The following HAPLN3 variants were observed in gnomAD, a reference collection of about 807,000 sequenced individuals.
HAPLN3 encodes extracellular link domain containing, 1.
A neutral mutation model predicts 28.1 loss-of-function variants in HAPLN3; 28 were observed. The ratio of observed to expected loss-of-function variants is 1.00; its 90% CI spans 0.74 to 1.37. The LOEUF is 1.37. Among genes scored for constraint, HAPLN3 ranks in the 40% most tolerant of loss-of-function variants. The pLI is 0.00. For synonymous variants in HAPLN3, 211 were observed against 213.1 expected (o/e 0.99, Z 0.09); for missense variants, 513 against 504.6 (o/e 1.02, Z -0.16).
chr15:88,887,039 G>C (rs1411720079), intron 2 of HAPLN3, 136 bp downstream of exon 2: 5 of 929,438 alleles, frequency 5.4e-6, no homozygotes, highest in African/African-American at 3.3e-5. Context: ...TGAGAAGCAA[G>C]CTGGCCCACT....
rs1897688868 is a variant in HAPLN3 at position 88,881,322 on chromosome 15, G to A, written c.493+35C>T. The A allele has an allele frequency of 6.3e-7, 1 of 1,585,378 alleles. No individual in the cohort carries two copies. Among genetic ancestry groups the A allele is most frequent in the South Asian group, 1.2e-5 (1 of 86,298 alleles). On this transcript the variant is annotated intron_variant, in intron 3 of 4. Transcript: ENST00000359595. The surrounding 1 kb of genome is among the most constrained non-coding windows in gnomAD (Gnocchi z 6.0). Reference sequence around the variant, plus strand: ...CTGGTCCTCTCCCCTCTGCTCTCAGGTCCCAGTGTCACCCAGTCCCCGTTA... The same window carrying A: ...CTGGTCCTCTCCCCTCTGCTCTCAGATCCCAGTGTCACCCAGTCCCCGTTA...
rs2141658276 is a variant in HAPLN3 at position 88,881,029 on chromosome 15, G to A, written c.493+328C>T. 1 of 366,936 alleles carries A rather than the reference G, an allele frequency of 2.7e-6. No individual in the cohort carries two copies. The highest frequency in any genetic ancestry group is 8.1e-4 in the Middle Eastern group (1 of 1,230). The allele number at this position is 366,936 out of a possible 1,614,324, so 22.7% of individuals were successfully genotyped here. A position where few individuals can be genotyped will look rare whatever the true frequency, so the allele number is the denominator to read the frequency against. On this transcript the variant is annotated intron_variant, in intron 3 of 4. Transcript: ENST00000359595. This position sits in a 1 kb window ranked among gnomAD's most constrained non-coding sequence, Gnocchi z 6.0. Reference sequence around the variant, plus strand: ...TAAATCTCAGCTCTGTCTCTAATAAGCTGTGGGACCAGCTCTGGTTTTCCT... The same window carrying A: ...TAAATCTCAGCTCTGTCTCTAATAAACTGTGGGACCAGCTCTGGTTTTCCT...
Position 88,879,011 on chromosome 15 carries a change from C to T in HAPLN3, c.752G>A (p.Arg251His), listed in dbSNP as rs1346165734. 3 of 1,609,810 alleles carry T rather than the reference C, an allele frequency of 1.9e-6. No individual in the cohort carries two copies. Among genetic ancestry groups the T allele is most frequent in the African/African-American group, 1.3e-5 (1 of 75,030 alleles). ...GVRSYGPRHR[R>H]LHRYDVFCFA... Reference sequence around the variant, plus strand: ...GCAGAATACATCATAGCGGTGCAGGCGGCGGTGGCGGGGGCCGTAGCTTCG... The same window carrying T: ...GCAGAATACATCATAGCGGTGCAGGTGGCGGTGGCGGGGGCCGTAGCTTCG... Residue 251 changes from arginine to histidine, a missense_variant, in exon 4 of 5, where the codon CGC becomes CAC. Coordinates refer to ENST00000359595, the MANE Select transcript of HAPLN3 (RefSeq NM_178232.4). The surrounding 1 kb of genome is among the most constrained non-coding windows in gnomAD (Gnocchi z 5.0).
chr15:88,878,225 C>A lies in HAPLN3; in HGVS notation c.828G>T (p.Lys276Asn), dbSNP rs1279477269. 1 of 1,613,890 alleles carries A rather than the reference C, an allele frequency of 6.2e-7. No individual in the cohort carries two copies. Among genetic ancestry groups the A allele is most frequent in the East Asian group, 2.2e-5 (1 of 44,882 alleles). The change falls in exon 5 of 5, where the codon AAG becomes AAT. Residue 276 changes from lysine (K) to asparagine (N), a missense_variant. Transcript: ENST00000359595. ...GRVYYLEHPE[K>N]LTLTEAREAC... ...CCTCCCTTGCCTCTGTCAGCGTCAG[C>A]TTCTCAGGGTGCTCCAGGTAGTACA...
Position 88,881,337 on chromosome 15 carries a change from A to G in HAPLN3, c.493+20T>C. 1 of 1,597,644 alleles carries G rather than the reference A, an allele frequency of 6.3e-7. No individual in the cohort carries two copies. The highest frequency in any genetic ancestry group is 8.5e-7 in the Non-Finnish European group (1 of 1,171,554). On this transcript the variant is annotated intron_variant, in intron 3 of 4. Coordinates refer to ENST00000359595, the MANE Select transcript of HAPLN3 (RefSeq NM_178232.4). This position sits in a 1 kb window ranked among gnomAD's most constrained non-coding sequence, Gnocchi z 6.0. ...CTGCTCTCAGGTCCCAGTGTCACCC[A>G]GTCCCCGTTAGCATCTCACCCCGCA...
chr15:88,878,944 C>T, intron 4 of HAPLN3, 23 bp downstream of exon 4: 2 of 1,583,718 alleles, frequency 1.3e-6, no homozygotes, highest in African/African-American at 2.7e-5. Flanking sequence ...ACCCACAGGC[C>T]CGCGCTTGGC....
intron 1 of HAPLN3, chr15:88,893,175 G>C (rs1217266918): frequency 4.3e-6 from 3 of 692,328 alleles, no homozygotes; most frequent in African/African-American, 1.7e-5. Context: ...TACAGCATTT[G>C]GGGAAGCTGA....
intron 1 of HAPLN3, 60 bp from the exon 2 acceptor site, chr15:88,887,405 C>A: frequency 6.9e-7 from 1 of 1,454,812 alleles, no homozygotes; most frequent in South Asian, 1.2e-5. Flanking sequence ...CCCACATCCC[C>A]TCTGCTCCAA....
At chr15:88,893,798 A>G (rs6496531) in intron 1 of HAPLN3, among the ~76,000 whole-genome samples, 48,690 of 151,394 alleles carry the variant, frequency 0.32, 8,256 homozygotes, top group African/African-American at 0.44. Context: ...TGTGGTGATG[A>G]GCGCTTGTAG....
chr15:88,886,405 G>A (rs1464805674), intron 2 of HAPLN3, among the ~76,000 whole-genome samples: 1 of 151,444 alleles, frequency 6.6e-6, no homozygotes, highest in East Asian at 1.9e-4. Flanking sequence ...GGGCTTTTGT[G>A]ATTACAGGAG....
At position 88,877,833 on chromosome 15, in the gene HAPLN3, T is replaced by G. The variant is rs1249781122; in HGVS notation, c.*137A>C. On this transcript the variant is annotated 3_prime_UTR_variant, in exon 5 of 5. Coordinates refer to ENST00000359595, the MANE Select transcript of HAPLN3 (RefSeq NM_178232.4). The surrounding 1 kb of genome is among the most constrained non-coding windows in gnomAD (Gnocchi z 5.1). ...TGGGTTCTGTTTGCTTTACAAAAAA[T>G]AGTAAAAAAATGTTTAAAGAAAATT... 4 of 894,256 alleles carry G rather than the reference T, an allele frequency of 4.5e-6. No individual in the cohort carries two copies. Among genetic ancestry groups the G allele is most frequent in the Non-Finnish European group, 3.3e-6 (2 of 605,602 alleles). 55.4% of individuals were successfully genotyped at this position (894,256 alleles called of 1,614,324 possible).
chr15:88,892,361 G>A (rs561689005), intron 1 of HAPLN3, among the ~76,000 whole-genome samples: 33 of 152,244 alleles, frequency 2.2e-4, no homozygotes, highest in African/African-American at 7.7e-4. Context: ...AGAGGCTGAG[G>A]CAGGAGAATT....
chr15:88,890,137 G>A (rs1027571008), intron 1 of HAPLN3, among the ~76,000 whole-genome samples: 2 of 152,124 alleles, frequency 1.3e-5, no homozygotes, highest in Admixed American at 1.3e-4. Flanking sequence ...AAACATTCTT[G>A]TTTCCAGAAC....
chr15:88,889,058 G>A (rs977438449), intron 1 of HAPLN3, among the ~76,000 whole-genome samples: 1 of 152,204 alleles, frequency 6.6e-6, no homozygotes, highest in Non-Finnish European at 1.5e-5. Flanking sequence ...AGAGGGAAGA[G>A]GAGGAAGACG....
rs1418579640 is a variant in HAPLN3, at chr15:88,880,233, T to G, written c.494-964A>C. On this transcript the variant is annotated intron_variant, in intron 3 of 4. Transcript: ENST00000359595. The surrounding 1 kb of genome is among the most constrained non-coding windows in gnomAD (Gnocchi z 6.0). ...CCCCGGGAATGGGGTGAGGGCTCCC[T>G]GTTTCTCTAGGCTGCCCCTGCAGAC... The G allele has an allele frequency of 1.0e-6, 1 of 1,000,672 alleles. No individual in the cohort carries two copies. Among genetic ancestry groups the G allele is most frequent in the Non-Finnish European group, 1.2e-6 (1 of 839,546 alleles). The allele number at this position is 1,000,672 out of a possible 1,614,324, so 62.0% of individuals were successfully genotyped here. A position where few individuals can be genotyped will look rare whatever the true frequency, so the allele number is the denominator to read the frequency against.
chr15:88,890,884 C>CTTT (rs58694396), intron 1 of HAPLN3, among the ~76,000 whole-genome samples: 41,600 of 148,030 alleles, frequency 0.28, 5,854 homozygotes, highest in African/African-American at 0.32. Flanking sequence ...TTTTTTGCAT[C>CTTT]TTTTTTTTTT....
intron 2 of HAPLN3, among the ~76,000 whole-genome samples, chr15:88,886,850 A>G (rs993973467): frequency 5.3e-5 from 8 of 152,066 alleles, no homozygotes; most frequent in African/African-American, 1.9e-4. Flanking sequence ...AAACATTCAA[A>G]CTCACATCTA....
chr15:88,877,869 A>G lies in HAPLN3; in HGVS notation c.*101T>C, dbSNP rs773284128. ...TGTTTAAAGAAAATTTAAATTGAGA[A>G]GTATAAAAACAGTTAAAATGGCTCC... On this transcript the variant is annotated 3_prime_UTR_variant, in exon 5 of 5. Transcript: ENST00000359595. This position sits in a 1 kb window ranked among gnomAD's most constrained non-coding sequence, Gnocchi z 5.1. The G allele has an allele frequency of 3.9e-4, 448 of 1,142,552 alleles. 4 individuals carry two copies. The highest frequency in any genetic ancestry group is 1.2e-4 in the Non-Finnish European group (100 of 823,752). 70.8% of individuals were successfully genotyped at this position (1,142,552 alleles called of 1,614,324 possible). A position where few individuals can be genotyped will look rare whatever the true frequency, so the allele number is the denominator to read the frequency against.
Position 88,878,784 on chromosome 15 carries a change from C to T in HAPLN3, c.796+183G>A, listed in dbSNP as rs77368996. On this transcript the variant is annotated intron_variant, in intron 4 of 4. Coordinates refer to ENST00000359595, the MANE Select transcript of HAPLN3 (RefSeq NM_178232.4). ...CCAATGATTTATGCCCTGCATAACG[C>T]AGCAGCAGCAAAGCACTCAAAACTC... 4.7e-3 allele frequency among the ~76,000 whole-genome samples: 715 copies of T among 152,326 alleles called. 10 individuals are homozygous for T. The highest frequency in any genetic ancestry group is 0.027 in the South Asian group (131 of 4,828).
Sources: allele counts gnomAD v4.1 joint callset (sites outside exome capture counted in the v4.1 genomes callset), GRCh38; gene constraint gnomAD v4.1.1; non-coding constraint Gnocchi (gnomAD v3.1); transcripts MANE v1.5; gene names NCBI Gene and HGNC (gene_info 2026-07-23, HGNC 2026-07-21).